SAMD12: variants seen among roughly 807,000 people sequenced by gnomAD.
SAMD12 encodes the protein sterile alpha motif domain-containing protein 12.
SAMD12 carries 9 observed loss-of-function variants against 15.0 expected under a neutral mutation model. The observed-to-expected ratio is 0.60, with a 90% CI of 0.36 to 1.05. The LOEUF (loss-of-function observed/expected upper bound fraction) is 1.05. SAMD12 is among the 50% of genes least tolerant of loss of function. The pLI is 0.01. For missense variants in SAMD12, 230 were observed against 234.2 expected (o/e 0.98, Z 0.12); for synonymous variants, 86 against 90.1 (o/e 0.96, Z 0.25).
chr8:118,323,527 C>T (rs962283143), intron 4 of SAMD12, among the ~76,000 whole-genome samples: 18 of 151,844 alleles, frequency 1.2e-4, no homozygotes, highest in African/African-American at 2.4e-4. Context: ...TTTGGGAGGC[C>T]GAGTTGGGTG....
At chr8:118,146,222 G>C in the SAMD12 span, among the ~76,000 whole-genome samples, 1 of 152,168 alleles carries the variant, frequency 6.6e-6, no homozygotes, top group South Asian at 2.1e-4. Context: ...AGTGTTCAAG[G>C]CAGGAGAACA....
chr8:118,159,719 C>CT, the SAMD12 span, among the ~76,000 whole-genome samples: 94,794 of 142,384 alleles, frequency 0.67, 31,897 homozygotes, highest in East Asian at 0.77. Flanking sequence ...CTTTTTTTTT[C>CT]TTTTTTTTTT....
chr8:118,538,845 C>T (rs960647763), intron 2 of SAMD12, among the ~76,000 whole-genome samples: 5 of 152,138 alleles, frequency 3.3e-5, no homozygotes, highest in Non-Finnish European at 7.3e-5. Context: ...TGCTCTGCCT[C>T]CCCTGGAATT....
intron 2 of SAMD12, among the ~76,000 whole-genome samples, chr8:118,449,798 C>CAAAAAAAAA (rs35279962): frequency 1.4e-5 from 1 of 72,460 alleles, no homozygotes; most frequent in Non-Finnish European, 2.5e-5. Flanking sequence ...GAGACTGTCT[C>CAAAAAAAAA]AAAAAAAAAA....
chr8:118,481,934 T>C (rs565603546), intron 2 of SAMD12, among the ~76,000 whole-genome samples: 2 of 152,298 alleles, frequency 1.3e-5, no homozygotes, highest in East Asian at 3.9e-4. Context: ...GACCTCTACC[T>C]ATATTAACTC....
At chr8:118,284,122 T>C in intron 4 of SAMD12, 1 of 361,858 alleles carries the variant, frequency 2.8e-6, no homozygotes, top group South Asian at 2.1e-5. Flanking sequence ...CATTAAATAA[T>C]GCCCTTCCAT....
At chr8:118,165,008 T>TGTGTG in the SAMD12 span, among the ~76,000 whole-genome samples, 1 of 150,800 alleles carries the variant, frequency 6.6e-6, no homozygotes, top group African/African-American at 2.5e-5. Flanking sequence ...TGTGTGTGTG[T>TGTGTG]TTTCCATACA....
chr8:118,573,611 A>C (rs1827077762), intron 2 of SAMD12, among the ~76,000 whole-genome samples: 1 of 152,328 alleles, frequency 6.6e-6, no homozygotes, highest in East Asian at 1.9e-4. Context: ...TGAAGAGTGA[A>C]GGGTAATGGA....
At chr8:118,321,773 T>C (rs1816296718) in intron 4 of SAMD12, among the ~76,000 whole-genome samples, 1 of 152,230 alleles carries the variant, frequency 6.6e-6, no homozygotes, top group South Asian at 2.1e-4. Flanking sequence ...TATGTGACAT[T>C]AGGCAAGCTA....
At chr8:118,156,450 A>G in the SAMD12 span, among the ~76,000 whole-genome samples, 2 of 152,156 alleles carry the variant, frequency 1.3e-5, no homozygotes, top group African/African-American at 4.8e-5. Context: ...CAGTGGAGAA[A>G]CACTAGATAT....
Position 118,458,950 on chromosome 8 carries a change from ATGTG to A in SAMD12, c.193-18993_193-18990del, listed in dbSNP as rs56067272. ...CAAATAGTAAAGTCTTCAGCTATAT[ATGTG>A]TGTGTGTGTGTGTGTGTGTGTGTGT... On this transcript the variant is annotated intron_variant, in intron 2 of 3. Transcript: ENST00000314727. Among the ~76,000 whole-genome samples, 751 of 149,212 alleles carry A rather than the reference ATGTG, an allele frequency of 5.0e-3. 6 individuals carry two copies. Among genetic ancestry groups the A allele is most frequent in the African/African-American group, 0.011 (441 of 40,634 alleles).
the SAMD12 span, among the ~76,000 whole-genome samples, chr8:118,175,034 C>CAAAAAAAAAAAAAAAAAA: frequency 1.3e-5 from 1 of 78,800 alleles, no homozygotes; most frequent in African/African-American, 3.7e-5. Context: ...CAAAAAAAAA[C>CAAAAAAAAAAAAAAAAAA]AAAAAAAAAA....
At chr8:118,426,934 C>T (rs139112170) in intron 3 of SAMD12, among the ~76,000 whole-genome samples, 1 of 152,092 alleles carries the variant, frequency 6.6e-6, no homozygotes, top group Non-Finnish European at 1.5e-5. Context: ...ATGCTTTCTG[C>T]AATTTAACTT....
rs1262587752 is a variant in SAMD12 at position 118,512,401 on chromosome 8, T to C, written c.192+68314A>G. The stretch of plus-strand genomic sequence containing the variant: ...TTTGTGAGCCAATAAATATCTATTT[T>C]ATGATTGCATAAAATAGACTGAGTT... On this transcript the variant is annotated intron_variant, in intron 2 of 3. Coordinates refer to ENST00000314727, the MANE Select transcript of SAMD12 (RefSeq NM_207506.3). 2.0e-5 allele frequency among the ~76,000 whole-genome samples: 3 copies of C among 151,550 alleles called. No homozygotes were observed. The East Asian group carries it at 5.8e-4, about 29-fold the overall frequency.
chr8:118,340,748 G>A (rs1167532815), intron 4 of SAMD12, among the ~76,000 whole-genome samples: 1 of 152,134 alleles, frequency 6.6e-6, no homozygotes, highest in Non-Finnish European at 1.5e-5. Context: ...CAGCCTGGGC[G>A]ACAGAGTGAG....
chr8:118,155,809 T>C, the SAMD12 span, among the ~76,000 whole-genome samples: 1 of 152,224 alleles, frequency 6.6e-6, no homozygotes, highest in Admixed American at 6.5e-5. Flanking sequence ...AAATTAGCAG[T>C]ATCCATGCAC....
At position 118,406,298 on chromosome 8, in the gene SAMD12, C is replaced by T. The variant is rs552400036; in HGVS notation, c.323-26598G>A. 9.2e-5 allele frequency among the ~76,000 whole-genome samples: 14 copies of T among 151,674 alleles called. 1 individual carries two copies. In the South Asian group the frequency reaches 2.9e-3, roughly 32 times the overall value. ...TTTTTTAAAATTTATTTTTGAGATG[C>T]AGTCTTGCTCTGTCACCCAGGCTGG... On this transcript the variant is annotated intron_variant, in intron 3 of 3. Transcript: ENST00000314727.
intron 2 of SAMD12, among the ~76,000 whole-genome samples, chr8:118,465,050 C>T (rs1300952456): frequency 6.6e-6 from 1 of 152,188 alleles, no homozygotes; most frequent in African/African-American, 2.4e-5. Flanking sequence ...TAAGTGATCC[C>T]TACAGCCTTA....
intron 4 of SAMD12, among the ~76,000 whole-genome samples, chr8:118,293,131 A>G (rs1273021194): frequency 6.6e-6 from 1 of 152,194 alleles, no homozygotes; most frequent in African/African-American, 2.4e-5. Context: ...GCTGTGTTTG[A>G]AGCTCAGAAA....
Sources: gnomAD v4.1 joint callset for allele counts (sites outside exome capture counted in the v4.1 genomes callset) on GRCh38, gnomAD v4.1.1 for gene constraint, MANE v1.5 for transcripts, NCBI Gene and HGNC (gene_info 2026-07-23, HGNC 2026-07-21) for gene names.